The following TMEM132D variants were observed in gnomAD, a reference collection of about 807,000 sequenced individuals.
The protein encoded by TMEM132D is transmembrane protein 132D.
Under a neutral mutation model 62.3 loss-of-function variants are expected in TMEM132D, and 21 were observed. The observed-to-expected ratio is 0.34, with a 90% CI of 0.24 to 0.49. The LOEUF (loss-of-function observed/expected upper bound fraction) is 0.49, where lower values mean the gene tolerates loss of function less well. TMEM132D is among the 20% of genes least tolerant of loss of function. TMEM132D has a pLI of 0.99. For missense variants in TMEM132D, 1,346 were observed against 1,402.8 expected (o/e 0.96, Z 0.65); for synonymous variants, 621 against 575.6 (o/e 1.08, Z -1.13).
chr12:129,738,326 G>C (rs1403356453), intron 1 of TMEM132D, among the ~76,000 whole-genome samples: 1 of 151,912 alleles, frequency 6.6e-6, no homozygotes, highest in East Asian at 1.9e-4. Context: ...AAAAAAAGGA[G>C]ACAGAGAAGA....
chr12:129,534,762 A>G (rs1186708657), intron 2 of TMEM132D, among the ~76,000 whole-genome samples: 1 of 152,192 alleles, frequency 6.6e-6, no homozygotes, highest in Non-Finnish European at 1.5e-5. Context: ...ATCTTGAACA[A>G]AGAGACACAG....
intron 4 of TMEM132D, among the ~76,000 whole-genome samples, chr12:129,255,351 G>T (rs1049698893): frequency 6.6e-6 from 1 of 152,170 alleles, no homozygotes; most frequent in Admixed American, 6.5e-5. Flanking sequence ...AGCTTAAACC[G>T]ACAAGAGAGT....
chr12:129,539,622 G>C (rs988790020), intron 2 of TMEM132D, among the ~76,000 whole-genome samples: 3 of 149,370 alleles, frequency 2.0e-5, no homozygotes, highest in Non-Finnish European at 3.0e-5. Flanking sequence ...ATGTTGCCCA[G>C]ACTGATTTCA....
At chr12:129,114,427 T>TCCTTC (rs1259474029) in intron 5 of TMEM132D, among the ~76,000 whole-genome samples, 5 of 148,882 alleles carry the variant, frequency 3.4e-5, no homozygotes, top group Non-Finnish European at 7.4e-5. Flanking sequence ...CCTCCTTCCC[T>TCCTTC]CCTTCCTCCC....
intron 5 of TMEM132D, among the ~76,000 whole-genome samples, chr12:129,190,614 G>A (rs962945171): frequency 1.3e-5 from 2 of 151,294 alleles, no homozygotes; most frequent in East Asian, 3.9e-4. Context: ...GGAGGGAGGG[G>A]TCTAGGGCCT....
intron 1 of TMEM132D, among the ~76,000 whole-genome samples, chr12:129,805,717 C>T (rs898841474): frequency 2.0e-5 from 3 of 151,260 alleles, no homozygotes; most frequent in Admixed American, 6.6e-5. Context: ...TAAAGAGCTT[C>T]TGCACAGCAA....
intron 1 of TMEM132D, among the ~76,000 whole-genome samples, chr12:129,807,805 G>A (rs954898146): frequency 6.6e-6 from 1 of 152,124 alleles, no homozygotes; most frequent in African/African-American, 2.4e-5. Context: ...AGCCATTCAC[G>A]TCCAGCCACC....
At chr12:129,132,091 C>T (rs1024535658) in intron 5 of TMEM132D, among the ~76,000 whole-genome samples, 1 of 152,034 alleles carries the variant, frequency 6.6e-6, no homozygotes. Context: ...TTTTTATTTG[C>T]AATAAGTAAT....
intron 4 of TMEM132D, among the ~76,000 whole-genome samples, chr12:129,274,527 A>G (rs1173209958): frequency 6.6e-6 from 1 of 152,094 alleles, no homozygotes; most frequent in Non-Finnish European, 1.5e-5. Flanking sequence ...TTTTTTTTAA[A>G]CAAAGAGCAG....
intron 3 of TMEM132D, among the ~76,000 whole-genome samples, chr12:129,395,683 ATGTATATCTACATAGATATATC>A (rs1427235358): frequency 8.6e-6 from 1 of 116,338 alleles, no homozygotes; most frequent in Non-Finnish European, 1.9e-5. Flanking sequence ...ATGTCTGTAT[ATGTATATCTACATAGATATATC>A]TGTATATCTA....
chr12:129,279,657 A>G (rs1421042142), intron 4 of TMEM132D, among the ~76,000 whole-genome samples: 2 of 152,116 alleles, frequency 1.3e-5, no homozygotes, highest in Non-Finnish European at 2.9e-5. Context: ...CCCATTGGCA[A>G]TCCCACCATC....
intron 2 of TMEM132D, among the ~76,000 whole-genome samples, chr12:129,637,550 T>C (rs1879515157): frequency 6.6e-6 from 1 of 152,144 alleles, no homozygotes; most frequent in African/African-American, 2.4e-5. Flanking sequence ...CCCACCCCCT[T>C]CCTCCTGGTC....
chr12:129,469,297 C>A (rs1308427225), intron 3 of TMEM132D, among the ~76,000 whole-genome samples: 3 of 152,106 alleles, frequency 2.0e-5, no homozygotes, highest in Admixed American at 2.0e-4. Flanking sequence ...TGGTTCTGAC[C>A]CTTAAAACTT....
At chr12:129,398,789 C>T (rs1456873301) in intron 3 of TMEM132D, among the ~76,000 whole-genome samples, 1 of 152,164 alleles carries the variant, frequency 6.6e-6, no homozygotes, top group Non-Finnish European at 1.5e-5. Flanking sequence ...ACTCCTCTCT[C>T]CCTAAGGAGA....
chr12:129,748,907 C>T (rs1273673987), intron 1 of TMEM132D, among the ~76,000 whole-genome samples: 2 of 152,220 alleles, frequency 1.3e-5, no homozygotes, highest in Non-Finnish European at 2.9e-5. Context: ...TTTGTACCTG[C>T]ACCTCCAAAC....
At chr12:129,416,601 T>C (rs2135708545) in intron 3 of TMEM132D, among the ~76,000 whole-genome samples, 1 of 152,316 alleles carries the variant, frequency 6.6e-6, no homozygotes, top group Middle Eastern at 3.4e-3. Context: ...TGAGTAGAAG[T>C]AGTTAGAGAG....
chr12:129,865,650 G>A (rs1158063179), intron 1 of TMEM132D, among the ~76,000 whole-genome samples: 1 of 152,184 alleles, frequency 6.6e-6, no homozygotes, highest in African/African-American at 2.4e-5. Flanking sequence ...AATGAACTGT[G>A]GGGAGCAAGG....
intron 3 of TMEM132D, among the ~76,000 whole-genome samples, chr12:129,476,015 A>G (rs761140740): frequency 1.3e-5 from 2 of 152,228 alleles, no homozygotes; most frequent in African/African-American, 4.8e-5. Flanking sequence ...TTCCCTCTCC[A>G]TCAGTATCCT....
chr12:129,546,800 CAAAAA>C (rs113282704), intron 2 of TMEM132D, among the ~76,000 whole-genome samples: 18 of 125,308 alleles, frequency 1.4e-4, no homozygotes, highest in African/African-American at 5.3e-4. Flanking sequence ...TACTCCGTCT[CAAAAA>C]AAAAAAAGAA....
Sources: gnomAD v4.1 joint callset for allele counts (sites outside exome capture counted in the v4.1 genomes callset) on GRCh38, gnomAD v4.1.1 for gene constraint, MANE v1.5 for transcripts, NCBI Gene and HGNC (gene_info 2026-07-23, HGNC 2026-07-21) for gene names.